WDR33: variants seen among roughly 807,000 people sequenced by gnomAD.
WDR33 encodes the protein WD repeat domain 33, also known as pre-mRNA 3' end processing protein WDR33.
WDR33 carries 47 observed loss-of-function variants against 164.9 expected under a neutral mutation model. That is an observed-to-expected ratio of 0.29 (90% CI 0.23 to 0.36). The LOEUF is 0.36. Ranked by LOEUF, WDR33 falls within the 10% of genes least tolerant of loss-of-function variation. The pLI is 1.00. For missense variants in WDR33, 1,137 were observed against 1,754.1 expected, an observed-to-expected ratio of 0.65 and a Z score of 6.28; for synonymous variants, 505 against 589.0, an observed-to-expected ratio of 0.86 and a Z score of 2.06.
intron 18 of WDR33, among the ~76,000 whole-genome samples, chr2:127,711,875 C>T (rs146416651): frequency 0.065 from 9,647 of 149,008 alleles, 414 homozygotes; most frequent in Middle Eastern, 0.16. Flanking sequence ...CAGATTCAGA[C>T]GATTCTCCTG....
chr2:127,767,572 G>A (rs183758813), intron 4 of WDR33, among the ~76,000 whole-genome samples: 2,732 of 151,996 alleles, frequency 0.018, 147 homozygotes, highest in South Asian at 0.17. Flanking sequence ...AAAAGTAGCC[G>A]GGCATGGTGG....
chr2:127,796,469 T>G (rs534843131), intron 1 of WDR33, among the ~76,000 whole-genome samples: 2 of 152,062 alleles, frequency 1.3e-5, no homozygotes, highest in African/African-American at 4.8e-5. Flanking sequence ...TCCCAGCACT[T>G]TGGGAGACCA....
chr2:127,721,691 A>T lies in WDR33; in HGVS notation c.1671+145T>A. 1 of 777,596 alleles carries T rather than the reference A, an allele frequency of 1.3e-6. No homozygotes were observed. Among genetic ancestry groups the T allele is most frequent in the Non-Finnish European group, 1.9e-6 (1 of 515,728 alleles). 48.2% of individuals were successfully genotyped at this position (777,596 alleles called of 1,614,324 possible). A position where few individuals can be genotyped will look rare whatever the true frequency, so the allele number is the denominator to read the frequency against. On this transcript the variant is annotated intron_variant, in intron 15 of 21. Transcript: ENST00000322313. The surrounding 1 kb of genome is among the most constrained non-coding windows in gnomAD (Gnocchi z 4.9). ...AAGAAACAGGATTCTTTTGGAAACT[A>T]GTCTTCTAGCATAGCAACAGGAAAT...
intron 1 of WDR33, among the ~76,000 whole-genome samples, chr2:127,779,691 T>C (rs1270792779): frequency 1.3e-5 from 2 of 152,198 alleles, no homozygotes; most frequent in Non-Finnish European, 2.9e-5. Context: ...TATCACCTAA[T>C]GTCTGCTGCC....
rs1687012566 is a variant in WDR33, at chr2:127,741,443, G to C, written c.725-14666C>G. Among the ~76,000 whole-genome samples the C allele has an allele frequency of 6.6e-6, 1 of 152,178 alleles. No homozygotes were observed. The highest frequency in any genetic ancestry group is 1.5e-5 in the Non-Finnish European group (1 of 68,032). On this transcript the variant is annotated intron_variant, in intron 7 of 21. Transcript: ENST00000322313. This position sits in a 1 kb window ranked among gnomAD's most constrained non-coding sequence, Gnocchi z 4.1. ...ACCCACTTACTTGATAAATGTGGCAGTGGCCTGTGCTTCTCCACTCACTTC... is the reference window on the plus strand; with the variant it reads ...ACCCACTTACTTGATAAATGTGGCACTGGCCTGTGCTTCTCCACTCACTTC...
At chr2:127,754,582 C>CCT (rs1687466614) in intron 7 of WDR33, among the ~76,000 whole-genome samples, 1 of 137,988 alleles carries the variant, frequency 7.2e-6, no homozygotes, top group Non-Finnish European at 1.6e-5. Context: ...CCATGTTTTT[C>CCT]ATTTTTTTTT....
At chr2:127,775,845 AAGG>A in intron 1 of WDR33, among the ~76,000 whole-genome samples, 1 of 152,312 alleles carries the variant, frequency 6.6e-6, no homozygotes, top group Admixed American at 6.5e-5. Context: ...TTCAGAAATA[AAGG>A]TCAAGAATGA....
At position 127,721,117 on chromosome 2, in the gene WDR33, G is replaced by A. The variant is rs536368229; in HGVS notation, c.1671+719C>T. ...AATTCAGTTTTTTTATGTTGTTGTT[G>A]TTGTTTTTGAGACAGAGTCTCACTT... is the stretch of plus-strand genomic sequence containing the variant. On this transcript the variant is annotated intron_variant, in intron 15 of 21. Transcript: ENST00000322313. This position sits in a 1 kb window ranked among gnomAD's most constrained non-coding sequence, Gnocchi z 4.9. 2.0e-5 allele frequency among the ~76,000 whole-genome samples: 3 copies of A among 152,140 alleles called. No homozygotes were observed. The East Asian group carries it at 5.8e-4, about 29-fold the overall frequency.
At chr2:127,782,765 T>C (rs1433997326) in intron 1 of WDR33, among the ~76,000 whole-genome samples, 1 of 151,896 alleles carries the variant, frequency 6.6e-6, no homozygotes, top group Non-Finnish European at 1.5e-5. Context: ...ATCCCAACAC[T>C]TTGGGAGGCC....
intron 1 of WDR33, among the ~76,000 whole-genome samples, chr2:127,804,869 C>T (rs1689376343): frequency 2.0e-5 from 3 of 151,894 alleles, no homozygotes; most frequent in Admixed American, 2.0e-4. Context: ...AAGTTATCAC[C>T]CCACAGATCA....
chr2:127,721,333 C>A lies in WDR33; in HGVS notation c.1671+503G>T, dbSNP rs140584140. Among the ~76,000 whole-genome samples the A allele has an allele frequency of 0.022, 3,323 of 152,104 alleles. 120 individuals carry two copies. Among genetic ancestry groups the A allele is most frequent in the African/African-American group, 0.074 (3,060 of 41,482 alleles). The stretch of plus-strand genomic sequence containing the variant: ...ATGTTGACCATGCTGGTCTCAAACT[C>A]CTGATCTCAGGTGATCTGTCTGCCT... On this transcript the variant is annotated intron_variant, in intron 15 of 21. Transcript: ENST00000322313. This position sits in a 1 kb window ranked among gnomAD's most constrained non-coding sequence, Gnocchi z 4.9.
intron 7 of WDR33, among the ~76,000 whole-genome samples, chr2:127,750,677 AATATATATATATAT>A (rs1161071581): frequency 3.1e-4 from 11 of 35,802 alleles, no homozygotes; most frequent in African/African-American, 1.4e-3. Flanking sequence ...AAAAAAAAAA[AATATATATATATAT>A]ATATATATAT....
intron 1 of WDR33, among the ~76,000 whole-genome samples, chr2:127,788,479 C>G (rs1369518065): frequency 7.9e-6 from 1 of 127,292 alleles, no homozygotes; most frequent in African/African-American, 3.1e-5. Flanking sequence ...GGGGCTGACA[C>G]CCCCACCTCC....
At chr2:127,732,880 A>C (rs1686745272) in intron 7 of WDR33, among the ~76,000 whole-genome samples, 1 of 152,258 alleles carries the variant, frequency 6.6e-6, no homozygotes, top group South Asian at 2.1e-4. Flanking sequence ...AATTTCAAAC[A>C]TTAAGCCTAA....
At chr2:127,798,396 T>A (rs187218682) in intron 1 of WDR33, among the ~76,000 whole-genome samples, 5,362 of 76,014 alleles carry the variant, frequency 0.071, 71 homozygotes, top group Middle Eastern at 0.17. Flanking sequence ...AAAAAAAAAA[T>A]GAATTTAAAA....
At chr2:127,809,756 A>T (rs1303624952) in intron 1 of WDR33, among the ~76,000 whole-genome samples, 1 of 152,086 alleles carries the variant, frequency 6.6e-6, no homozygotes, top group Non-Finnish European at 1.5e-5. Context: ...TTTCTACCAA[A>T]ATTCTTCCTA....
Position 127,718,970 on chromosome 2 carries a change from C to A in WDR33, c.2760+295G>T, listed in dbSNP as rs994872107. Among the ~76,000 whole-genome samples the A allele has an allele frequency of 6.6e-6, 1 of 152,078 alleles. No individual in the cohort carries two copies. Among genetic ancestry groups the A allele is most frequent in the African/African-American group, 2.4e-5 (1 of 41,410 alleles). ...CCACAGCTCTCCTGGAGCCCTGGGA[C>A]AATTATCAGCTGTACTCAAATGAGA... On this transcript the variant is annotated intron_variant, in intron 16 of 21. Transcript: ENST00000322313. This position sits in a 1 kb window ranked among gnomAD's most constrained non-coding sequence, Gnocchi z 4.4.
At chr2:127,753,081 C>T (rs1050475050) in intron 7 of WDR33, among the ~76,000 whole-genome samples, 5 of 152,158 alleles carry the variant, frequency 3.3e-5, no homozygotes, top group Admixed American at 2.0e-4. Context: ...CATGTGCCAC[C>T]ACGCCCAGCT....
chr2:127,722,534 TCAAA>T lies in WDR33; in HGVS notation c.1518+53_1518+56del. On this transcript the variant is annotated intron_variant, in intron 14 of 21. Transcript: ENST00000322313. This position sits in a 1 kb window ranked among gnomAD's most constrained non-coding sequence, Gnocchi z 5.1. ...ACAGTGAGATAATCCAAGAGAAACC[TCAAA>T]CTAACCAACCAAAACCTCTCTGCGT... The T allele has an allele frequency of 6.3e-7, 1 of 1,582,250 alleles. No individual in the cohort carries two copies. Among genetic ancestry groups the T allele is most frequent in the East Asian group, 2.2e-5 (1 of 44,502 alleles).
Sources: allele counts gnomAD v4.1 joint callset (sites outside exome capture counted in the v4.1 genomes callset), GRCh38; gene constraint gnomAD v4.1.1; non-coding constraint Gnocchi (gnomAD v3.1); transcripts MANE v1.5; gene names NCBI Gene and HGNC (gene_info 2026-07-23, HGNC 2026-07-21).